The following ADCY8 variants were observed in gnomAD, a reference collection of about 807,000 sequenced individuals.
The protein encoded by ADCY8 is adenylate cyclase 8.
ADCY8 carries 51 observed loss-of-function variants against 119.7 expected under a neutral mutation model. The observed-to-expected ratio is 0.43, with a 90% confidence interval of 0.34 to 0.54. ADCY8 has a LOEUF of 0.54. ADCY8 is among the 20% of genes least tolerant of loss of function. The pLI is 0.03. For missense variants in ADCY8, 1,383 were observed against 1,598.8 expected, an observed-to-expected ratio of 0.87 and a Z score of 2.30; for synonymous variants, 665 against 651.0, an observed-to-expected ratio of 1.02 and a Z score of -0.33.
At chr8:130,982,204 G>T (rs1348967141) in intron 2 of ADCY8, among the ~76,000 whole-genome samples, 1 of 152,212 alleles carries the variant, frequency 6.6e-6, no homozygotes, top group African/African-American at 2.4e-5. Context: ...AGGGAGATCA[G>T]AGGCCATTAA....
At chr8:130,947,976 C>T (rs1586596522) in intron 3 of ADCY8, among the ~76,000 whole-genome samples, 3 of 152,126 alleles carry the variant, frequency 2.0e-5, no homozygotes, top group African/African-American at 4.8e-5. Flanking sequence ...TTGATTCTCC[C>T]TAATGGAATC....
intron 2 of ADCY8, among the ~76,000 whole-genome samples, chr8:130,975,746 C>A (rs1822052089): frequency 6.6e-6 from 1 of 152,158 alleles, no homozygotes; most frequent in South Asian, 2.1e-4. Flanking sequence ...GCCTGTCTAA[C>A]TCTATTGTCT....
intron 5 of ADCY8, among the ~76,000 whole-genome samples, chr8:130,915,352 G>T (rs1233180334): frequency 6.6e-6 from 1 of 152,142 alleles, no homozygotes; most frequent in Non-Finnish European, 1.5e-5. Context: ...GTTGCTAGAG[G>T]AATGACAGGA....
chr8:130,856,177 T>C (rs1328073145), intron 9 of ADCY8, among the ~76,000 whole-genome samples: 1 of 151,918 alleles, frequency 6.6e-6, no homozygotes, highest in African/African-American at 2.4e-5. Context: ...AGGACTACTT[T>C]TGCCTCACCC....
At chr8:130,951,835 C>T in intron 3 of ADCY8, 33 bp downstream of exon 3, 1 of 1,611,870 alleles carries the variant, frequency 6.2e-7, no homozygotes, top group Non-Finnish European at 8.5e-7. Flanking sequence ...ATGGATCATG[C>T]AAGAGCCGGG....
intron 1 of ADCY8, among the ~76,000 whole-genome samples, chr8:131,037,565 T>C (rs1207767321): frequency 6.6e-6 from 1 of 152,080 alleles, no homozygotes; most frequent in African/African-American, 2.4e-5. Context: ...TTATAATACA[T>C]GGAATTTCTT....
intron 5 of ADCY8, among the ~76,000 whole-genome samples, chr8:130,936,109 G>A (rs1236894144): frequency 6.9e-6 from 1 of 144,410 alleles, no homozygotes; most frequent in East Asian, 2.1e-4. Context: ...GTGTGTGTGT[G>A]TATTTCTGCC....
At chr8:130,859,189 A>G (rs1362940819) in intron 9 of ADCY8, among the ~76,000 whole-genome samples, 2 of 152,224 alleles carry the variant, frequency 1.3e-5, no homozygotes, top group African/African-American at 4.8e-5. Flanking sequence ...TAACCTGTGC[A>G]TATAAACATA....
At chr8:130,823,018 C>A (rs1032694694) in intron 12 of ADCY8, among the ~76,000 whole-genome samples, 1 of 152,196 alleles carries the variant, frequency 6.6e-6, no homozygotes, top group Non-Finnish European at 1.5e-5. Flanking sequence ...TTTGAATGAG[C>A]ATGTCCTGCG....
chr8:130,975,277 C>G (rs1360958754), intron 2 of ADCY8, among the ~76,000 whole-genome samples: 1 of 152,218 alleles, frequency 6.6e-6, no homozygotes, highest in Non-Finnish European at 1.5e-5. Flanking sequence ...CCACATATCT[C>G]TCTACCATCC....
intron 3 of ADCY8, among the ~76,000 whole-genome samples, chr8:130,948,907 C>T (rs1042749114): frequency 1.3e-5 from 2 of 152,036 alleles, no homozygotes; most frequent in African/African-American, 4.8e-5. Flanking sequence ...CGCCCCGCCG[C>T]CCCGAGCTGA....
intron 5 of ADCY8, among the ~76,000 whole-genome samples, chr8:130,916,370 T>C (rs535255494): frequency 1.2e-4 from 19 of 152,200 alleles, no homozygotes; most frequent in Non-Finnish European, 2.8e-4. Flanking sequence ...ACTGCCATTG[T>C]GGTGGCCATG....
Position 130,836,306 on chromosome 8 carries a change from CAG to C in ADCY8, c.2644_2645del (p.Leu882AlafsTer3). 6.2e-7 allele frequency: 1 copy of C among 1,613,618 alleles called. No individual in the cohort carries two copies. Among genetic ancestry groups the C allele is most frequent in the Non-Finnish European group, 8.5e-7 (1 of 1,179,740 alleles). ...CACTGTGGTTGAGGTTGTCATAACG[CAG>C]AAAGAGGCCTGCGTAGACGGTCTCA... Reference protein sequence around the residue: ...LTETVYAGLFLRYDNLNHSGE... With the variant: ...LTETVYAGLFXRYDNLNHSGE... On this transcript the variant is annotated frameshift_variant, in exon 12 of 18. Coordinates refer to ENST00000286355, the MANE Select transcript of ADCY8 (RefSeq NM_001115.3). LOFTEE classifies it high-confidence loss of function.
chr8:130,925,049 A>G (rs1312384695), intron 5 of ADCY8, among the ~76,000 whole-genome samples: 1 of 151,846 alleles, frequency 6.6e-6, no homozygotes, highest in African/African-American at 2.4e-5. Context: ...CAAAAAAAAA[A>G]AAAAAATTAG....
intron 14 of ADCY8, among the ~76,000 whole-genome samples, chr8:130,803,377 T>A (rs188135445): frequency 4.1e-4 from 62 of 152,342 alleles, no homozygotes; most frequent in Non-Finnish European, 7.9e-4. Flanking sequence ...ATTACTGTCT[T>A]AACATCCATT....
chr8:131,020,481 A>T (rs760249365), intron 1 of ADCY8, among the ~76,000 whole-genome samples: 4 of 152,238 alleles, frequency 2.6e-5, no homozygotes, highest in Non-Finnish European at 5.9e-5. Flanking sequence ...CAAAGATGAA[A>T]TAGAGAATGC....
intron 9 of ADCY8, among the ~76,000 whole-genome samples, chr8:130,851,012 T>C (rs181521545): frequency 1.7e-4 from 26 of 152,276 alleles, no homozygotes; most frequent in Admixed American, 1.6e-3. Context: ...CATCATACAG[T>C]TGGTCAGTGT....
chr8:130,945,856 T>C (rs1362402397), intron 3 of ADCY8, among the ~76,000 whole-genome samples: 1 of 152,236 alleles, frequency 6.6e-6, no homozygotes, highest in African/African-American at 2.4e-5. Context: ...ATGTATTCAC[T>C]CATTTATTCC....
chr8:131,040,818 C>T lies in ADCY8; in HGVS notation c.-485G>A, dbSNP rs900345740. ...CCACTGCTCCGCGGCTGCAGGGGGC[C>T]TGGCCGGCGGTGACCGGCGGCAGCG... On this transcript the variant is annotated 5_prime_UTR_variant, in exon 1 of 18. Transcript: ENST00000286355. The T allele has an allele frequency of 6.5e-6, 1 of 153,420 alleles. No homozygotes were observed. The highest frequency in any genetic ancestry group is 1.5e-5 in the Non-Finnish European group (1 of 68,956). 9.5% of individuals were successfully genotyped at this position (153,420 alleles called of 1,614,324 possible).
Sources: allele counts gnomAD v4.1 joint callset (sites outside exome capture counted in the v4.1 genomes callset), GRCh38; gene constraint gnomAD v4.1.1; transcripts MANE v1.5; gene names NCBI Gene and HGNC (gene_info 2026-07-23, HGNC 2026-07-21).